The following BIRC2 variants were observed in gnomAD, a reference collection of about 807,000 sequenced individuals.
The protein encoded by BIRC2 is baculoviral IAP repeat-containing protein 2.
BIRC2 carries 18 observed loss-of-function variants against 60.9 expected under a neutral mutation model. The observed-to-expected ratio is 0.30, with a 90% confidence interval of 0.20 to 0.44. BIRC2 has a LOEUF of 0.44. BIRC2 is among the 20% of genes least tolerant of loss of function. The pLI, the probability that BIRC2 is intolerant of heterozygous loss-of-function variation, is 1.00. For synonymous variants in BIRC2, 282 were observed against 247.7 expected, an observed-to-expected ratio of 1.14 and a Z score of -1.30; for missense variants, 701 against 728.5, an observed-to-expected ratio of 0.96 and a Z score of 0.43.
chr11:102,356,351 G>A (rs547502948), intron 3 of BIRC2, among the ~76,000 whole-genome samples: 76 of 151,014 alleles, frequency 5.0e-4, no homozygotes, highest in Non-Finnish European at 9.5e-4. Context: ...GCGTGCCACT[G>A]CACCCAGCTC....
intron 6 of BIRC2, among the ~76,000 whole-genome samples, chr11:102,372,495 C>A (rs1951645481): frequency 6.6e-6 from 1 of 152,064 alleles, no homozygotes; most frequent in Non-Finnish European, 1.5e-5. Context: ...GTTTCTTAAT[C>A]CTGAGTTCTA....
At chr11:102,357,119 G>T (rs1951431903) in intron 3 of BIRC2, among the ~76,000 whole-genome samples, 1 of 152,144 alleles carries the variant, frequency 6.6e-6, no homozygotes, top group African/African-American at 2.4e-5. Context: ...GCTAGTATTT[G>T]TTGAGGATTT....
chr11:102,355,074 G>C (rs752250659), intron 3 of BIRC2, among the ~76,000 whole-genome samples: 18 of 149,792 alleles, frequency 1.2e-4, no homozygotes, highest in Non-Finnish European at 2.4e-4. Flanking sequence ...TTATTTTGTC[G>C]ATTGTTTCCT....
At chr11:102,368,160 A>C (rs1187621240) in intron 5 of BIRC2, 146 bp from the exon 6 acceptor site, 6 of 931,866 alleles carry the variant, frequency 6.4e-6, no homozygotes, top group African/African-American at 1.7e-5. Context: ...TCAAACTTTT[A>C]TTGGAGTTAT....
At chr11:102,376,337 T>C (rs907375467) in intron 6 of BIRC2, among the ~76,000 whole-genome samples, 1 of 152,158 alleles carries the variant, frequency 6.6e-6, no homozygotes, top group East Asian at 1.9e-4. Context: ...ATGGAGATCT[T>C]GAAAAGGTGA....
intron 5 of BIRC2, among the ~76,000 whole-genome samples, chr11:102,368,054 A>C (rs1395914544): frequency 6.6e-6 from 1 of 152,214 alleles, no homozygotes; most frequent in African/African-American, 2.4e-5. Context: ...ATCCTTAGAG[A>C]ATCTTTCATT....
rs781150440 is a variant in BIRC2, at chr11:102,350,707, G to A, written c.853G>A (p.Val285Ile). 1 of 1,611,930 alleles carries A rather than the reference G, an allele frequency of 6.2e-7. No individual in the cohort carries two copies. Among genetic ancestry groups the A allele is most frequent in the Admixed American group, 1.7e-5 (1 of 59,832 alleles). The change falls in exon 2 of 9, where the codon GTT (valine) becomes ATT (isoleucine). Residue 285 changes from valine (V) to isoleucine (I), a missense_variant. Transcript: ENST00000227758. ...TFMYWPSSVP[V>I]QPEQLASAGF... ...TATGTACTGGCCATCTAGTGTTCCA[G>A]TTCAGCCTGAGCAGCTTGCAAGTGC...
In BIRC2 at chr11:102,348,960, A is replaced by G. The variant is rs1005191863; in HGVS notation, c.-895A>G. 7.0e-5 allele frequency: 11 copies of G among 156,286 alleles called. No homozygotes were observed. The highest frequency in any genetic ancestry group is 1.9e-4 in the East Asian group (1 of 5,280). The allele number at this position is 156,286 out of a possible 1,614,324, so 9.7% of individuals were successfully genotyped here. On this transcript the variant is annotated 5_prime_UTR_variant, in exon 2 of 9. Transcript: ENST00000227758. ...AACAGGTTATTTAGTTTTTAAATGCAGTGTAAAAAGTGTGCTGTGGAAATT... is the reference window on the plus strand; with the variant it reads ...AACAGGTTATTTAGTTTTTAAATGCGGTGTAAAAAGTGTGCTGTGGAAATT...
chr11:102,373,662 C>T (rs1031767488), intron 6 of BIRC2, among the ~76,000 whole-genome samples: 53 of 150,868 alleles, frequency 3.5e-4, no homozygotes, highest in Middle Eastern at 3.4e-3. Context: ...TTGCTCTTCT[C>T]GAGGAGTATC....
chr11:102,377,992 C>T lies in BIRC2; in HGVS notation c.1666C>T (p.Leu556=). The T allele has an allele frequency of 6.2e-7, 1 of 1,606,398 alleles. No homozygotes were observed. Among genetic ancestry groups the T allele is most frequent in the African/African-American group, 1.3e-5 (1 of 74,494 alleles). ...KYIPTEDVSG[L]SLEEQLRRLQ... ...CTAAAGTTATTTTTTGTTATTAGGT[C>T]TGTCACTGGAAGAACAATTGAGGAG... is the stretch of plus-strand genomic sequence containing the variant. Residue 556 remains leucine, a splice_region_variant and synonymous_variant, in exon 9 of 9, where the codon CTG becomes TTG. Transcript: ENST00000227758.
chr11:102,358,327 T>G (rs753013228), intron 3 of BIRC2, among the ~76,000 whole-genome samples: 5 of 152,212 alleles, frequency 3.3e-5, no homozygotes, highest in Non-Finnish European at 7.4e-5. Context: ...AAGGAAATGC[T>G]CTTTGGAACA....
chr11:102,367,142 C>T (rs1279443737), intron 5 of BIRC2, among the ~76,000 whole-genome samples: 2 of 152,206 alleles, frequency 1.3e-5, no homozygotes, highest in African/African-American at 4.8e-5. Flanking sequence ...CCCTCTGATG[C>T]TTACATACAG....
chr11:102,353,484 G>GTTTTTTTTTTTTTTTTTTTTTTTTTTTT (rs1565331945), intron 3 of BIRC2, among the ~76,000 whole-genome samples: 1 of 151,768 alleles, frequency 6.6e-6, no homozygotes, highest in African/African-American at 2.4e-5. Flanking sequence ...ACACTCAGTA[G>GTTTTTTTTTTTTTTTTTTTTTTTTTTTT]TTTTTGTATT....
At position 102,349,639 on chromosome 11, in the gene BIRC2, C is replaced by G; in HGVS notation, c.-216C>G. On this transcript the variant is annotated 5_prime_UTR_variant, in exon 2 of 9. Transcript: ENST00000227758. ...GCACTTAGGTTACCTGAAAGAGTTA[C>G]TACAACCCCAAAGAGTTGTGTTCTA... The G allele has an allele frequency of 2.1e-6, 1 of 468,460 alleles. No homozygotes were observed. Among genetic ancestry groups the G allele is most frequent in the Admixed American group, 3.8e-5 (1 of 26,502 alleles). 29.0% of individuals were successfully genotyped at this position (468,460 alleles called of 1,614,324 possible). A position where few individuals can be genotyped will look rare whatever the true frequency, so the allele number is the denominator to read the frequency against.
chr11:102,358,509 A>G (rs966621303), intron 3 of BIRC2, among the ~76,000 whole-genome samples: 4 of 152,180 alleles, frequency 2.6e-5, no homozygotes, highest in Admixed American at 6.5e-5. Context: ...TTGAAGTCCA[A>G]TATTTCCTTA....
chr11:102,373,823 G>A (rs1201089360), intron 6 of BIRC2, among the ~76,000 whole-genome samples: 2 of 151,448 alleles, frequency 1.3e-5, no homozygotes, highest in African/African-American at 4.9e-5. Flanking sequence ...CGTAGATTTG[G>A]TCTTTTCACA....
intron 5 of BIRC2, among the ~76,000 whole-genome samples, chr11:102,366,135 A>G (rs1011713232): frequency 6.6e-6 from 1 of 152,194 alleles, no homozygotes; most frequent in African/African-American, 2.4e-5. Context: ...TAGAGTTAAT[A>G]TGACCAAACC....
chr11:102,364,139 TTATATA>T lies in BIRC2; in HGVS notation c.1123+454_1123+459del, dbSNP rs371707721. ...ATACTGGGAAGTCAGCTAATAAATA[TTATATA>T]TATATATATATATATATATATATAT... is the stretch of plus-strand genomic sequence containing the variant. On this transcript the variant is annotated intron_variant, in intron 5 of 8. Transcript: ENST00000227758. 6.0e-3 allele frequency among the ~76,000 whole-genome samples: 368 copies of T among 61,394 alleles called. 6 individuals are homozygous for T. Among genetic ancestry groups the T allele is most frequent in the African/African-American group, 0.02 (258 of 12,878 alleles). The allele number at this position is 61,394 out of a possible 152,430, so 40.3% of individuals were successfully genotyped here.
intron 3 of BIRC2, among the ~76,000 whole-genome samples, chr11:102,358,962 G>GGT (rs1951454415): frequency 6.6e-6 from 1 of 152,134 alleles, no homozygotes; most frequent in Non-Finnish European, 1.5e-5. Context: ...TTACATTCAA[G>GGT]GTAACTATTG....
Sources: gnomAD v4.1 joint callset for allele counts (sites outside exome capture counted in the v4.1 genomes callset) on GRCh38, gnomAD v4.1.1 for gene constraint, MANE v1.5 for transcripts, NCBI Gene and HGNC (gene_info 2026-07-23, HGNC 2026-07-21) for gene names.